The following EGFLAM variants were observed in gnomAD, a reference collection of about 807,000 sequenced individuals.
The protein encoded by EGFLAM is EGF like, fibronectin type III and laminin G domains, also known as pikachurin.
EGFLAM carries 79 observed loss-of-function variants against 113.1 expected under a neutral mutation model. The observed-to-expected ratio is 0.70, with a 90% confidence interval of 0.58 to 0.84. The LOEUF (loss-of-function observed/expected upper bound fraction) is 0.84. Among genes scored for constraint, EGFLAM ranks in the 40% least tolerant of loss-of-function variants. The pLI, the probability that EGFLAM is intolerant of heterozygous loss-of-function variation, is 0.00. For synonymous variants in EGFLAM, 504 were observed against 487.6 expected (o/e 1.03, Z -0.44); for missense variants, 1,265 against 1,291.6 (o/e 0.98, Z 0.32).
intron 1 of EGFLAM, among the ~76,000 whole-genome samples, chr5:38,275,095 C>G (rs1186498822): frequency 1.3e-4 from 19 of 151,516 alleles, no homozygotes; most frequent in Non-Finnish European, 5.9e-5. Flanking sequence ...AATATACACA[C>G]TAAAAACAAA....
At chr5:38,343,368 T>C (rs1739392556) in intron 3 of EGFLAM, among the ~76,000 whole-genome samples, 1 of 146,810 alleles carries the variant, frequency 6.8e-6, no homozygotes, top group Non-Finnish European at 1.5e-5. Context: ...ATCGCGCCAT[T>C]GCACTCTAGC....
At chr5:38,383,525 T>C (rs1338037382) in intron 6 of EGFLAM, among the ~76,000 whole-genome samples, 3 of 152,100 alleles carry the variant, frequency 2.0e-5, no homozygotes, top group African/African-American at 7.2e-5. Context: ...TAAGCACTTA[T>C]TCACACAGTT....
At chr5:38,391,401 T>G (rs1740807053) in intron 6 of EGFLAM, among the ~76,000 whole-genome samples, 1 of 151,394 alleles carries the variant, frequency 6.6e-6, no homozygotes, top group Non-Finnish European at 1.5e-5. Flanking sequence ...TGTGTGTGTG[T>G]GTGTGTGTGT....
intron 1 of EGFLAM, among the ~76,000 whole-genome samples, chr5:38,320,140 G>A (rs1425957414): frequency 6.6e-6 from 1 of 152,192 alleles, no homozygotes; most frequent in Non-Finnish European, 1.5e-5. Flanking sequence ...ATAAATCGAG[G>A]TCTTCATTCC....
intron 1 of EGFLAM, chr5:38,285,869 C>T (rs1426545051): frequency 6.6e-6 from 1 of 152,120 alleles, no homozygotes; most frequent in South Asian, 2.1e-4. Flanking sequence ...GGCACCTGCC[C>T]CCATGATTCA....
chr5:38,258,576 T>TCCC lies in EGFLAM; in HGVS notation c.-178_-176dup. The stretch of plus-strand genomic sequence containing the variant: ...CCGGCTTCACTCGCGCACGCCGACC[T>TCCC]CCCGGCTGCAGTCCTACCTCTTGGA... On this transcript the variant is annotated 5_prime_UTR_variant, in exon 1 of 22. Transcript: ENST00000322350. 1.7e-6 allele frequency: 1 copy of TCCC among 599,446 alleles called. No individual in the cohort carries two copies. The highest frequency in any genetic ancestry group is 2.0e-5 in the South Asian group (1 of 50,362). 37.1% of individuals were successfully genotyped at this position (599,446 alleles called of 1,614,324 possible). A position where few individuals can be genotyped will look rare whatever the true frequency, so the allele number is the denominator to read the frequency against.
At chr5:38,366,756 A>G (rs116647825) in intron 5 of EGFLAM, among the ~76,000 whole-genome samples, 1 of 152,196 alleles carries the variant, frequency 6.6e-6, no homozygotes, top group Non-Finnish European at 1.5e-5. Flanking sequence ...ATCTTTGAGA[A>G]TCTAATAAAA....
chr5:38,430,729 C>T (rs1030133716), intron 14 of EGFLAM, among the ~76,000 whole-genome samples: 1 of 152,160 alleles, frequency 6.6e-6, no homozygotes, highest in Non-Finnish European at 1.5e-5. Flanking sequence ...CTGCCATCTG[C>T]AAGCTGGCAG....
intron 1 of EGFLAM, among the ~76,000 whole-genome samples, chr5:38,283,236 C>T (rs548414178): frequency 1.2e-3 from 184 of 152,140 alleles, no homozygotes; most frequent in African/African-American, 4.4e-3. Flanking sequence ...TCTGGAAGGG[C>T]TTGGGATTTG....
At chr5:38,378,826 A>G (rs1240060651) in intron 6 of EGFLAM, among the ~76,000 whole-genome samples, 3 of 152,216 alleles carry the variant, frequency 2.0e-5, no homozygotes, top group Non-Finnish European at 4.4e-5. Flanking sequence ...AGATGGGTAC[A>G]GTAATCCTGA....
At chr5:38,280,858 G>A (rs1757995819) in intron 1 of EGFLAM, among the ~76,000 whole-genome samples, 1 of 152,168 alleles carries the variant, frequency 6.6e-6, no homozygotes, top group Admixed American at 6.5e-5. Flanking sequence ...ATAAGCATAA[G>A]GTTTTGATTT....
At chr5:38,398,519 C>A (rs1026276819) in intron 6 of EGFLAM, among the ~76,000 whole-genome samples, 3 of 152,004 alleles carry the variant, frequency 2.0e-5, no homozygotes, top group Admixed American at 6.5e-5. Flanking sequence ...TGATTTTGCA[C>A]AGAAATATAA....
Position 38,406,860 on chromosome 5 carries a change from T to A in EGFLAM, c.861T>A (p.Asn287Lys). The change falls in exon 8 of 22, where the codon AAT becomes AAA. Residue 287 changes from asparagine to lysine, a missense_variant. By Grantham distance (94) the Asn-to-Lys change is moderately conservative. Transcript: ENST00000322350. ...CACTTCCTGCTACCAAAGGAGGGAA[T>A]AAGAAATTTTTGGTGGAAAGCAAGA... ...VKPLPATKGGNKKFLVESKKM... is the reference protein window; with the variant it reads ...VKPLPATKGGKKKFLVESKKM... 2.5e-6 allele frequency: 4 copies of A among 1,614,086 alleles called. No individual in the cohort carries two copies. Among genetic ancestry groups the A allele is most frequent in the Non-Finnish European group, 3.4e-6 (4 of 1,179,962 alleles).
intron 19 of EGFLAM, 135 bp from the exon 20 acceptor site, chr5:38,458,176 A>T: frequency 1.5e-6 from 1 of 687,794 alleles, no homozygotes; most frequent in East Asian, 2.8e-5. Context: ...CTTTTATAAC[A>T]CTCTTGTTTT....
chr5:38,262,277 G>C (rs1007005868), intron 1 of EGFLAM, among the ~76,000 whole-genome samples: 1 of 152,144 alleles, frequency 6.6e-6, no homozygotes. Context: ...AGACAACTGC[G>C]GGAACCAGCA....
At chr5:38,388,679 G>A (rs1182119281) in intron 6 of EGFLAM, among the ~76,000 whole-genome samples, 1 of 150,930 alleles carries the variant, frequency 6.6e-6, no homozygotes, top group Non-Finnish European at 1.5e-5. Flanking sequence ...AGAATTGCTT[G>A]AACCTAGGAG....
At chr5:38,422,552 G>A (rs1019835780) in intron 12 of EGFLAM, among the ~76,000 whole-genome samples, 1 of 151,980 alleles carries the variant, frequency 6.6e-6, no homozygotes, top group African/African-American at 2.4e-5. Context: ...ATATTATAAG[G>A]GGAAACAATT....
intron 6 of EGFLAM, among the ~76,000 whole-genome samples, chr5:38,387,500 G>T (rs987598270): frequency 6.6e-6 from 1 of 152,176 alleles, no homozygotes; most frequent in Non-Finnish European, 1.5e-5. Flanking sequence ...TCAAGGTGTA[G>T]GTTTCAAATC....
intron 1 of EGFLAM, among the ~76,000 whole-genome samples, chr5:38,274,366 C>T (rs902296839): frequency 6.6e-6 from 1 of 152,070 alleles, no homozygotes; most frequent in Non-Finnish European, 1.5e-5. Context: ...GGTCTCTAAT[C>T]AGATTAAATC....
Sources: allele counts gnomAD v4.1 joint callset (sites outside exome capture counted in the v4.1 genomes callset), GRCh38; gene constraint gnomAD v4.1.1; transcripts MANE v1.5; gene names NCBI Gene and HGNC (gene_info 2026-07-23, HGNC 2026-07-21).